The following ACSS3 variants were observed in gnomAD, a reference collection of about 807,000 sequenced individuals.
The protein encoded by ACSS3 is acyl-CoA synthetase short-chain family member 3, mitochondrial.
A neutral mutation model predicts 84.2 loss-of-function variants in ACSS3; 64 were observed. The ratio of observed to expected loss-of-function variants is 0.76; its 90% CI spans 0.62 to 0.94. The LOEUF (loss-of-function observed/expected upper bound fraction) is 0.94, where lower values mean the gene tolerates loss of function less well. Among genes scored for constraint, ACSS3 ranks in the 40% least tolerant of loss-of-function variants. ACSS3 has a pLI of 0.00. For missense variants in ACSS3, 815 were observed against 867.6 expected (o/e 0.94, Z 0.76); for synonymous variants, 317 against 310.1 (o/e 1.02, Z -0.23).
intron 9 of ACSS3, among the ~76,000 whole-genome samples, chr12:81,215,200 A>G (rs2032861573): frequency 6.6e-6 from 1 of 152,120 alleles, no homozygotes; most frequent in African/African-American, 2.4e-5. Context: ...TTAGATGGCT[A>G]TGGATTGCCA....
intron 2 of ACSS3, among the ~76,000 whole-genome samples, chr12:81,133,476 T>C (rs533338501): frequency 2.6e-5 from 4 of 152,278 alleles, no homozygotes; most frequent in East Asian, 1.9e-4. Context: ...TGTTCCTTGA[T>C]CGCATCACAT....
At chr12:81,152,245 G>T in intron 7 of ACSS3, 149 bp downstream of exon 7, 2 of 580,864 alleles carry the variant, frequency 3.4e-6, no homozygotes, top group Non-Finnish European at 5.7e-6. Context: ...ATTTTGAAAG[G>T]GAAAAGGATA....
chr12:81,092,309 C>A (rs932379032), intron 1 of ACSS3, among the ~76,000 whole-genome samples: 1 of 152,226 alleles, frequency 6.6e-6, no homozygotes, highest in South Asian at 2.1e-4. Flanking sequence ...CAATGTTACA[C>A]ATCAAGCGAG....
chr12:81,078,146 G>C lies in ACSS3; in HGVS notation c.26G>C (p.Arg9Pro). The C allele has an allele frequency of 6.6e-7, 1 of 1,506,016 alleles. No individual in the cohort carries two copies. The highest frequency in any genetic ancestry group is 8.8e-7 in the Non-Finnish European group (1 of 1,131,690). 93.3% of individuals were successfully genotyped at this position (1,506,016 alleles called of 1,614,324 possible). A position where few individuals can be genotyped will look rare whatever the true frequency, so the allele number is the denominator to read the frequency against. MKPSWLQC[R>P]KVTSAGGLGG... ...ATGAAACCGTCTTGGCTGCAGTGTC[G>C]TAAAGTCACCAGCGCCGGGGGGCTC... The change falls in exon 1 of 16, where the codon CGT becomes CCT. Residue 9 changes from arginine (R) to proline (P), a missense_variant. Physicochemically the swap from Arg to Pro is moderately radical, Grantham distance 103 (BLOSUM62 -2). Transcript: ENST00000548058.
intron 5 of ACSS3, 135 bp downstream of exon 5, chr12:81,143,382 T>C (rs940741620): frequency 7.1e-6 from 7 of 987,568 alleles, no homozygotes; most frequent in Admixed American, 6.3e-5. Flanking sequence ...TTTATTTTTT[T>C]TTCCTGTGCC....
chr12:81,225,796 C>G (rs2033255078), intron 11 of ACSS3, among the ~76,000 whole-genome samples: 1 of 151,822 alleles, frequency 6.6e-6, no homozygotes, highest in Admixed American at 6.6e-5. Context: ...ATGAGGAATA[C>G]CAAACACCTA....
At chr12:81,244,850 C>A (rs553543421) in intron 13 of ACSS3, among the ~76,000 whole-genome samples, 1 of 151,976 alleles carries the variant, frequency 6.6e-6, no homozygotes, top group Non-Finnish European at 1.5e-5. Flanking sequence ...TCAGATAATT[C>A]CAATATTCCT....
At chr12:81,098,158 G>GTA in intron 1 of ACSS3, among the ~76,000 whole-genome samples, 1 of 147,848 alleles carries the variant, frequency 6.8e-6, no homozygotes, top group South Asian at 2.2e-4. Context: ...GAGAGTGTGT[G>GTA]TGTGTGTGTG....
At chr12:81,229,268 A>C (rs1355208263) in intron 11 of ACSS3, among the ~76,000 whole-genome samples, 1 of 151,760 alleles carries the variant, frequency 6.6e-6, no homozygotes, top group Admixed American at 6.6e-5. Flanking sequence ...ATATGCAAGC[A>C]GAATGAATCT....
chr12:81,139,252 A>G lies in ACSS3; in HGVS notation c.767A>G (p.Asn256Ser), dbSNP rs931582721. 1.7e-5 allele frequency: 27 copies of G among 1,613,814 alleles called. No homozygotes were observed. The highest frequency in any genetic ancestry group is 2.7e-5 in the African/African-American group (2 of 74,928). The change falls in exon 4 of 16, where the codon AAT becomes AGT. Residue 256 changes from asparagine (N) to serine (S), a missense_variant. Physicochemically the swap from Asn to Ser is conservative, Grantham distance 46. Transcript: ENST00000548058. ...AAACCAGACAAAATTCTCATTTATA[A>G]TCGTCCAAATATGGTAATCTGAATA... Reference protein sequence around the residue: ...QHKPDKILIYNRPNMEAVPLA... With the variant: ...QHKPDKILIYSRPNMEAVPLA...
chr12:81,174,906 G>A lies in ACSS3; in HGVS notation c.1217G>A (p.Gly406Glu), dbSNP rs1213327522. The A allele has an allele frequency of 6.2e-7, 1 of 1,613,900 alleles. No individual in the cohort carries two copies. Among genetic ancestry groups the A allele is most frequent in the Non-Finnish European group, 8.5e-7 (1 of 1,179,876 alleles). Residue 406 changes from glycine (G) to glutamate (E), a missense_variant, in exon 8 of 16, where the codon GGG becomes GAG. Gly to Glu is a moderately conservative substitution (Grantham distance 98). Coordinates refer to ENST00000548058, the MANE Select transcript of ACSS3 (RefSeq NM_024560.4). Reference protein sequence around the residue: ...AIRAIRQQDPGAALGKQYSLT... With the variant: ...AIRAIRQQDPEAALGKQYSLT... ...AGAGCAATCCGTCAACAGGACCCTG[G>A]GGCAGCTTTGGGGAAGCAGTACTCT...
intron 1 of ACSS3, among the ~76,000 whole-genome samples, chr12:81,084,824 A>G (rs1343022044): frequency 3.9e-5 from 6 of 152,232 alleles, no homozygotes; most frequent in Non-Finnish European, 8.8e-5. Context: ...TCAAAAAAAT[A>G]TCTGCTGTGA....
intron 13 of ACSS3, among the ~76,000 whole-genome samples, chr12:81,242,286 C>T (rs562831369): frequency 1.3e-5 from 2 of 152,300 alleles, no homozygotes; most frequent in South Asian, 4.1e-4. Context: ...TCGACACATA[C>T]ACTCTCGCAA....
intron 2 of ACSS3, among the ~76,000 whole-genome samples, chr12:81,133,117 GTT>G (rs35628584): frequency 0.35 from 53,364 of 150,716 alleles, 11,875 homozygotes; most frequent in Non-Finnish European, 0.5. Flanking sequence ...CTAAAATCGT[GTT>G]TTTTTTTTTC....
chr12:81,259,629 A>C lies in ACSS3; in HGVS notation c.*4707A>C. On this transcript the variant is annotated 3_prime_UTR_variant, in exon 16 of 16. Coordinates refer to ENST00000548058, the MANE Select transcript of ACSS3 (RefSeq NM_024560.4). ...TGCTCGTCTTCTTAGATGGTAGTGC[A>C]CTTTAGGTAGAGTAGACTGAAAAGA... 2 of 1,533,894 alleles carry C rather than the reference A, an allele frequency of 1.3e-6. No individual in the cohort carries two copies. Among genetic ancestry groups the C allele is most frequent in the South Asian group, 1.2e-5 (1 of 84,000 alleles).
rs189881769 is a variant in ACSS3 at position 81,167,853 on chromosome 12, C to T, written c.1099-6935C>T. 2.5e-3 allele frequency among the ~76,000 whole-genome samples: 384 copies of T among 152,256 alleles called. 3 individuals are homozygous for T. Among genetic ancestry groups the T allele is most frequent in the African/African-American group, 8.5e-3 (355 of 41,560 alleles). ...TGGAGCTTTAGCCATGGAGAAGTCTCACCTTCTCAGGCCTGGACACAGAGT... is the reference window on the plus strand; with the variant it reads ...TGGAGCTTTAGCCATGGAGAAGTCTTACCTTCTCAGGCCTGGACACAGAGT... On this transcript the variant is annotated intron_variant, in intron 7 of 15. Transcript: ENST00000548058.
chr12:81,109,998 C>A (rs1364950682), intron 2 of ACSS3, among the ~76,000 whole-genome samples: 1 of 152,144 alleles, frequency 6.6e-6, no homozygotes, highest in Non-Finnish European at 1.5e-5. Flanking sequence ...TCCACATTAC[C>A]ATCACCTTTG....
chr12:81,082,033 C>T (rs1417527345), intron 1 of ACSS3, among the ~76,000 whole-genome samples: 1 of 152,180 alleles, frequency 6.6e-6, no homozygotes, highest in Non-Finnish European at 1.5e-5. Context: ...CACCACACAG[C>T]AGCGTGAAAG....
intron 7 of ACSS3, among the ~76,000 whole-genome samples, chr12:81,155,823 C>T (rs1821528332): frequency 6.6e-6 from 1 of 152,154 alleles, no homozygotes; most frequent in South Asian, 2.1e-4. Flanking sequence ...TCATTAGATA[C>T]ACTTCTCTCT....
Sources: gnomAD v4.1 joint callset for allele counts (sites outside exome capture counted in the v4.1 genomes callset) on GRCh38, gnomAD v4.1.1 for gene constraint, MANE v1.5 for transcripts, NCBI Gene and HGNC (gene_info 2026-07-23, HGNC 2026-07-21) for gene names.